The following ZNF107 variants were observed in gnomAD, a reference collection of about 807,000 sequenced individuals.
The protein encoded by ZNF107 is C2H2 type zinc-finger protein.
Under a neutral mutation model 12.3 loss-of-function variants are expected in ZNF107, and 19 were observed. The ratio of observed to expected loss-of-function variants is 1.55; its 90% CI spans 1.08 to 2.27. The LOEUF is 2.27. ZNF107 is among the 30% of genes most tolerant of loss of function. The pLI is 0.00. For missense variants in ZNF107, 958 were observed against 979.9 expected (o/e 0.98, Z 0.30); for synonymous variants, 317 against 330.5 (o/e 0.96, Z 0.44).
intron 1 of ZNF107, chr7:64,689,228 C>A (rs1451660460): frequency 6.6e-6 from 1 of 152,170 alleles, no homozygotes; most frequent in Non-Finnish European, 1.5e-5. Flanking sequence ...CAGGCTGCTC[C>A]CACCTAGAAT....
At chr7:64,702,938 A>AT (rs900628837) in intron 3 of ZNF107, among the ~76,000 whole-genome samples, 7 of 152,136 alleles carry the variant, frequency 4.6e-5, no homozygotes, top group Admixed American at 6.6e-5. Context: ...ACTGGTTAAA[A>AT]TTTTTTTATT....
chr7:64,694,102 T>C (rs896702761), intron 3 of ZNF107, among the ~76,000 whole-genome samples: 14 of 152,244 alleles, frequency 9.2e-5, no homozygotes, highest in African/African-American at 3.1e-4. Flanking sequence ...TGTGGGTTTC[T>C]ATGTAGGCAG....
In ZNF107 at chr7:64,708,500, C is replaced by T. The variant is rs1318771372; in HGVS notation, c.2403C>T (p.Phe801=). ...AATGTGGCAAATCCTTTAACCAGTT[C>T]TCATCTCTTAATATACATAAGATAA... ...CEECGKSFNQ[F]SSLNIHKIIH... is the part of the protein sequence containing the mutation. The change falls in exon 4 of 4, where the codon TTC becomes TTT. Residue 801 remains phenylalanine, a synonymous_variant. Transcript: ENST00000620827. 1 of 1,612,976 alleles carries T rather than the reference C, an allele frequency of 6.2e-7. No homozygotes were observed.
In ZNF107 at chr7:64,707,326, C is replaced by T. The variant is rs1790692852; in HGVS notation, c.1229C>T (p.Ser410Leu). The T allele has an allele frequency of 6.2e-7, 1 of 1,613,238 alleles. No individual in the cohort carries two copies. Among genetic ancestry groups the T allele is most frequent in the Non-Finnish European group, 8.5e-7 (1 of 1,179,706 alleles). ...EECGKVFNQFSTLTRHKIIHT... is the reference protein window; with the variant it reads ...EECGKVFNQFLTLTRHKIIHT... Reference sequence around the variant, plus strand: ...TGTGGCAAAGTCTTTAACCAGTTCTCAACTCTTACTAGACATAAGATAATT... The same window carrying T: ...TGTGGCAAAGTCTTTAACCAGTTCTTAACTCTTACTAGACATAAGATAATT... The change falls in exon 4 of 4, where the codon TCA (serine) becomes TTA (leucine). Residue 410 changes from serine to leucine, a missense_variant. Coordinates refer to ENST00000620827, the MANE Select transcript of ZNF107 (RefSeq NM_001282359.2).
chr7:64,696,569 A>G (rs1277932292), intron 3 of ZNF107, among the ~76,000 whole-genome samples: 1 of 152,122 alleles, frequency 6.6e-6, no homozygotes, highest in African/African-American at 2.4e-5. Context: ...TTGTTATTTA[A>G]CAGACTTCTA....
At position 64,708,569 on chromosome 7, in the gene ZNF107, A is replaced by C. The variant is rs1287842985; in HGVS notation, c.2472A>C (p.Arg824Ser). 2 of 1,612,842 alleles carry C rather than the reference A, an allele frequency of 1.2e-6. No individual in the cohort carries two copies. The highest frequency in any genetic ancestry group is 3.3e-5 in the Admixed American group (2 of 59,860). Residue 824 changes from arginine to serine, a missense_variant, in exon 4 of 4, where the codon AGA becomes AGC. Arg to Ser is a moderately radical substitution (Grantham distance 110). Coordinates refer to ENST00000620827, the MANE Select transcript of ZNF107 (RefSeq NM_001282359.2). ...EKPYKCGDYG[R>S]AFNLSSNLTT... ...CCTACAAATGTGGAGATTATGGCAG[A>C]GCTTTCAACCTATCCTCAAATCTTA...
chr7:64,674,363 TG>T (rs1789342880), intron 1 of ZNF107, among the ~76,000 whole-genome samples: 1 of 152,242 alleles, frequency 6.6e-6, no homozygotes, highest in Admixed American at 6.5e-5. Flanking sequence ...ATATTCTTTT[TG>T]TAGCAATTGT....
intron 1 of ZNF107, chr7:64,689,263 C>T (rs1790036941): frequency 6.6e-6 from 1 of 152,088 alleles, no homozygotes; most frequent in South Asian, 2.1e-4. Flanking sequence ...TGGCCTCTCC[C>T]TGGAATTTAC....
At chr7:64,681,341 A>G (rs1489744154) in intron 1 of ZNF107, among the ~76,000 whole-genome samples, 2 of 151,494 alleles carry the variant, frequency 1.3e-5, no homozygotes, top group Non-Finnish European at 2.9e-5. Flanking sequence ...AAGCCTCCAG[A>G]CCTCTCCAGA....
chr7:64,672,139 C>T (rs916314260), intron 1 of ZNF107, among the ~76,000 whole-genome samples: 2 of 151,896 alleles, frequency 1.3e-5, no homozygotes, highest in African/African-American at 4.8e-5. Context: ...TCTGTTGTTC[C>T]CCTCTTTGTG....
rs537414256 is a variant in ZNF107, at chr7:64,678,705, A to G, written c.3+12420A>G. Among the ~76,000 whole-genome samples, 3 of 152,314 alleles carry G rather than the reference A, an allele frequency of 2.0e-5. No homozygotes were observed. The East Asian group carries it at 5.8e-4, about 29-fold the overall frequency. ...ATACTTAGGTATTTTATCCAATGTGAAAGAAAATTTACTACCAAATTATTA... is the reference window on the plus strand; with the variant it reads ...ATACTTAGGTATTTTATCCAATGTGGAAGAAAATTTACTACCAAATTATTA... On this transcript the variant is annotated intron_variant, in intron 1 of 3. Coordinates refer to ENST00000620827, the MANE Select transcript of ZNF107 (RefSeq NM_001282359.2).
chr7:64,676,380 C>T (rs1789414747), intron 1 of ZNF107, among the ~76,000 whole-genome samples: 1 of 152,130 alleles, frequency 6.6e-6, no homozygotes, highest in South Asian at 2.1e-4. Context: ...TTGTAGCTGT[C>T]TATTAGGACT....
chr7:64,687,066 A>G (rs1190623215), intron 1 of ZNF107: 3 of 985,250 alleles, frequency 3.0e-6, no homozygotes, highest in Non-Finnish European at 3.6e-6. Context: ...GACTTGTTCA[A>G]TCATATCTAA....
At position 64,706,342 on chromosome 7, in the gene ZNF107, C is replaced by A; in HGVS notation, c.245C>A (p.Ala82Asp). 1 of 1,555,172 alleles carries A rather than the reference C, an allele frequency of 6.4e-7. No homozygotes were observed. Among genetic ancestry groups the A allele is most frequent in the Non-Finnish European group, 8.7e-7 (1 of 1,150,272 alleles). Residue 82 changes from alanine to aspartate, a missense_variant, in exon 4 of 4, where the codon GCC becomes GAC. By Grantham distance (126) the Ala-to-Asp change is moderately radical (BLOSUM62 -2). Transcript: ENST00000620827. ...AKPPVMSFHF[A>D]QDLWPEQNIK... ...CTTTCAGTAATGTCTTTTCATTTTG[C>A]CCAAGACCTTTGGCCAGAGCAGAAC...
chr7:64,703,903 AT>A (rs1404726582), intron 3 of ZNF107, among the ~76,000 whole-genome samples: 8 of 150,956 alleles, frequency 5.3e-5, no homozygotes, highest in Non-Finnish European at 1.5e-5. Flanking sequence ...TTTTGTATTT[AT>A]ATGCTTTTCT....
intron 1 of ZNF107, among the ~76,000 whole-genome samples, chr7:64,671,842 C>T (rs1319004984): frequency 2.1e-5 from 3 of 142,846 alleles, no homozygotes; most frequent in South Asian, 2.2e-4. Flanking sequence ...AGTGCAGCGG[C>T]GCGATCTCTG....
At chr7:64,700,593 G>T (rs1226228999) in intron 3 of ZNF107, among the ~76,000 whole-genome samples, 1 of 134,996 alleles carries the variant, frequency 7.4e-6, no homozygotes, top group Non-Finnish European at 1.5e-5. Context: ...AGGCTGGAGT[G>T]CAGTGGCGTG....
intron 3 of ZNF107, among the ~76,000 whole-genome samples, chr7:64,705,735 T>C (rs1482033610): frequency 2.0e-5 from 3 of 151,712 alleles, no homozygotes; most frequent in South Asian, 2.1e-4. Flanking sequence ...TTTGTTCATG[T>C]TTCTTCTTGA....
At chr7:64,670,884 A>G (rs1789195543) in intron 1 of ZNF107, among the ~76,000 whole-genome samples, 1 of 152,182 alleles carries the variant, frequency 6.6e-6, no homozygotes, top group Non-Finnish European at 1.5e-5. Context: ...TGGGAATTCT[A>G]AATTTTCAAA....
Sources: allele counts gnomAD v4.1 joint callset (sites outside exome capture counted in the v4.1 genomes callset), GRCh38; gene constraint gnomAD v4.1.1; transcripts MANE v1.5; gene names NCBI Gene and HGNC (gene_info 2026-07-23, HGNC 2026-07-21).